Variants in ADARB2 observed in about 807,000 individuals in gnomAD.
ADARB2 encodes inactive double-stranded RNA-specific editase B2.
ADARB2 carries 25 observed loss-of-function variants against 62.2 expected under a neutral mutation model. The ratio of observed to expected loss-of-function variants is 0.40; its 90% CI spans 0.29 to 0.56. The LOEUF is 0.56. Among genes scored for constraint, ADARB2 ranks in the 20% least tolerant of loss-of-function variants. The pLI is 0.43. For missense variants in ADARB2, 1,071 were observed against 1,077.4 expected, an observed-to-expected ratio of 0.99 and a Z score of 0.08; for synonymous variants, 572 against 500.8, an observed-to-expected ratio of 1.14 and a Z score of -1.90.
At position 1,625,294 on chromosome 10, in the gene ADARB2, A is replaced by G. The variant is rs537573525; in HGVS notation, c.100+111757T>C. Among the ~76,000 whole-genome samples the G allele has an allele frequency of 2.0e-5, 3 of 152,316 alleles. No individual in the cohort carries two copies. In the South Asian group the frequency reaches 6.2e-4, roughly 32 times the overall value. ...AACTCGCCATCTTTACACTCCTTTA[A>G]GGGAAAATACCCCTTTTTCCAGGGA... On this transcript the variant is annotated intron_variant, in intron 1 of 9. Coordinates refer to ENST00000381312, the MANE Select transcript of ADARB2 (RefSeq NM_018702.4).
At chr10:1,375,981 ACG>A (rs1832425401) in intron 2 of ADARB2, among the ~76,000 whole-genome samples, 1 of 151,258 alleles carries the variant, frequency 6.6e-6, no homozygotes, top group African/African-American at 2.4e-5. Context: ...GTGCACACAC[ACG>A]CACACACACG....
intron 7 of ADARB2, among the ~76,000 whole-genome samples, chr10:1,209,605 C>T (rs1837121539): frequency 6.6e-6 from 1 of 151,730 alleles, no homozygotes. Context: ...ACACCCATGA[C>T]CACGCCTACA....
intron 3 of ADARB2, among the ~76,000 whole-genome samples, chr10:1,320,237 G>A (rs546852079): frequency 6.6e-6 from 1 of 152,200 alleles, no homozygotes; most frequent in Non-Finnish European, 1.5e-5. Flanking sequence ...CCCATGATGT[G>A]CTATGGAGAA....
chr10:1,299,070 GATA>G (rs769170551), intron 3 of ADARB2, among the ~76,000 whole-genome samples: 2 of 151,846 alleles, frequency 1.3e-5, no homozygotes, highest in Non-Finnish European at 2.9e-5. Flanking sequence ...TTTGATGTTG[GATA>G]ATGATTCTCC....
Position 1,515,852 on chromosome 10 carries a change from G to A in ADARB2, c.101-136692C>T, listed in dbSNP as rs545448945. Among the ~76,000 whole-genome samples, 17 of 152,360 alleles carry A rather than the reference G, an allele frequency of 1.1e-4. 2 individuals are homozygous for A. Among genetic ancestry groups the A allele is most frequent in the African/African-American group, 4.1e-4 (17 of 41,578 alleles). ...AGCCGATTTGTGAGCAGATTTTTCT[G>A]ATTCTTTGATTCTTCTTTGTGAGAT... On this transcript the variant is annotated intron_variant, in intron 1 of 9. Coordinates refer to ENST00000381312, the MANE Select transcript of ADARB2 (RefSeq NM_018702.4).
At chr10:1,546,811 A>G (rs1173972966) in intron 1 of ADARB2, among the ~76,000 whole-genome samples, 1 of 152,278 alleles carries the variant, frequency 6.6e-6, no homozygotes, top group Non-Finnish European at 1.5e-5. Context: ...AGGCCCTGAC[A>G]AACGACTCCC....
intron 3 of ADARB2, among the ~76,000 whole-genome samples, chr10:1,326,448 A>T (rs576605794): frequency 1.4e-4 from 21 of 152,240 alleles, no homozygotes; most frequent in Non-Finnish European, 2.8e-4. Context: ...AGACCCCACG[A>T]GGGAGATGAC....
rs183103101 is a variant in ADARB2 at position 1,263,635 on chromosome 10, A to G, written c.1192+7320T>C. Among the ~76,000 whole-genome samples, 14 of 152,322 alleles carry G rather than the reference A, an allele frequency of 9.2e-5. No individual in the cohort carries two copies. The East Asian group carries it at 2.5e-3, about 27-fold the overall frequency. ...TTTGATTGGAGTACTAGACCTTGAG[A>G]GTGTAGCAAAAATATTTATTTTCTC... is the stretch of plus-strand genomic sequence containing the variant. On this transcript the variant is annotated intron_variant, in intron 4 of 9. Coordinates refer to ENST00000381312, the MANE Select transcript of ADARB2 (RefSeq NM_018702.4).
At chr10:1,246,181 GGTT>G (rs1453467500) in intron 4 of ADARB2, among the ~76,000 whole-genome samples, 2 of 151,864 alleles carry the variant, frequency 1.3e-5, no homozygotes, top group Non-Finnish European at 2.9e-5. Context: ...TTTTTCATGG[GGTT>G]GTTTGATTTT....
intron 6 of ADARB2, among the ~76,000 whole-genome samples, chr10:1,223,233 A>G (rs1434778621): frequency 6.6e-6 from 1 of 152,030 alleles, no homozygotes; most frequent in Non-Finnish European, 1.5e-5. Flanking sequence ...TTATTGGTGT[A>G]TAAGAATGCT....
At chr10:1,472,588 C>T (rs925248080) in intron 1 of ADARB2, among the ~76,000 whole-genome samples, 1 of 152,192 alleles carries the variant, frequency 6.6e-6, no homozygotes. Context: ...GTCATGCCTT[C>T]AAGAAAGATG....
Position 1,391,863 on chromosome 10 carries a change from C to G in ADARB2, c.101-12703G>C, listed in dbSNP as rs1832574173. 2.0e-5 allele frequency among the ~76,000 whole-genome samples: 3 copies of G among 146,864 alleles called. No individual in the cohort carries two copies. The Admixed American group carries it at 2.1e-4, about 10-fold the overall frequency. ...GATCTTGGTTCACTGCAGCCTCAAC[C>G]TCCTGGGCTCAAGCGATCATCCCAC... On this transcript the variant is annotated intron_variant, in intron 1 of 9. Transcript: ENST00000381312.
chr10:1,673,658 G>A (rs911430381), intron 1 of ADARB2, among the ~76,000 whole-genome samples: 1 of 152,180 alleles, frequency 6.6e-6, no homozygotes, highest in Non-Finnish European at 1.5e-5. Flanking sequence ...CGGGAACGTC[G>A]GATCATAACG....
intron 8 of ADARB2, among the ~76,000 whole-genome samples, chr10:1,191,246 G>A (rs1383326691): frequency 2.0e-5 from 3 of 152,222 alleles, no homozygotes; most frequent in African/African-American, 4.8e-5. Flanking sequence ...CGGGGCTCAC[G>A]GTCCAGGAGG....
chr10:1,563,709 C>T (rs939274056), intron 1 of ADARB2, among the ~76,000 whole-genome samples: 1 of 150,552 alleles, frequency 6.6e-6, no homozygotes, highest in African/African-American at 2.4e-5. Context: ...ATACATGTGC[C>T]ATGCTGGTGC....
intron 1 of ADARB2, among the ~76,000 whole-genome samples, chr10:1,491,748 C>T (rs1831625046): frequency 6.6e-6 from 1 of 152,154 alleles, no homozygotes; most frequent in African/African-American, 2.4e-5. Flanking sequence ...AGGAGCTTGT[C>T]TGTAGCAAGA....
In ADARB2 at chr10:1,426,813, C is replaced by G. The variant is rs1051827283; in HGVS notation, c.101-47653G>C. On this transcript the variant is annotated intron_variant, in intron 1 of 9. Coordinates refer to ENST00000381312, the MANE Select transcript of ADARB2 (RefSeq NM_018702.4). The surrounding 1 kb of genome is among the most constrained non-coding windows in gnomAD (Gnocchi z 4.1). Reference sequence around the variant, plus strand: ...CTCCACCACTGCATCCCTTCTATACCCTGCTTCTCCCTTCAGACAAGGGGC... The same window carrying G: ...CTCCACCACTGCATCCCTTCTATACGCTGCTTCTCCCTTCAGACAAGGGGC... Among the ~76,000 whole-genome samples, 6 of 152,188 alleles carry G rather than the reference C, an allele frequency of 3.9e-5. No homozygotes were observed. Among genetic ancestry groups the G allele is most frequent in the African/African-American group, 1.4e-4 (6 of 41,446 alleles).
Position 1,362,196 on chromosome 10 carries a change from C to T in ADARB2, c.1077+832G>A, listed in dbSNP as rs374008809. On this transcript the variant is annotated intron_variant, in intron 3 of 9. Coordinates refer to ENST00000381312, the MANE Select transcript of ADARB2 (RefSeq NM_018702.4). ...ACAGGAAATGTCCTCTCCATTTACA[C>T]AGGGCCTACGCCGAGTAACCAATGG... 1.3e-4 allele frequency among the ~76,000 whole-genome samples: 20 copies of T among 152,368 alleles called. No individual in the cohort carries two copies. The South Asian group carries it at 3.9e-3, about 30-fold the overall frequency.
chr10:1,329,499 G>A lies in ADARB2; in HGVS notation c.1077+33529C>T, dbSNP rs542973609. 3.9e-5 allele frequency among the ~76,000 whole-genome samples: 6 copies of A among 152,306 alleles called. No individual in the cohort carries two copies. In the South Asian group the frequency reaches 8.3e-4, roughly 21 times the overall value. On this transcript the variant is annotated intron_variant, in intron 3 of 9. Coordinates refer to ENST00000381312, the MANE Select transcript of ADARB2 (RefSeq NM_018702.4). Reference sequence around the variant, plus strand: ...TGGGTGCCTGAGTCACACCCAGGGCGCCTGGGTTCTGTAGAAAATGTCTTT... The same window carrying A: ...TGGGTGCCTGAGTCACACCCAGGGCACCTGGGTTCTGTAGAAAATGTCTTT...
Sources: allele counts gnomAD v4.1 joint callset (sites outside exome capture counted in the v4.1 genomes callset), GRCh38; gene constraint gnomAD v4.1.1; non-coding constraint Gnocchi (gnomAD v3.1); transcripts MANE v1.5; gene names NCBI Gene and HGNC (gene_info 2026-07-23, HGNC 2026-07-21).